Variants in CAPN3 observed in about 807,000 individuals in gnomAD.
The protein encoded by CAPN3 is calpain-3.
In CAPN3, 88 loss-of-function variants were observed where a neutral mutation model predicts 114.0. The ratio of observed to expected loss-of-function variants is 0.77; its 90% confidence interval spans 0.65 to 0.92. The LOEUF is 0.92. Ranked by LOEUF, CAPN3 falls within the 40% of genes least tolerant of loss-of-function variation. CAPN3 has a pLI of 0.00. For missense variants in CAPN3, 1,028 were observed against 1,069.0 expected (o/e 0.96, Z 0.53); for synonymous variants, 386 against 382.9 (o/e 1.01, Z -0.09).
chr15:42,387,423 C>T (rs1487505455), intron 3 of CAPN3, among the ~76,000 whole-genome samples: 1 of 152,198 alleles, frequency 6.6e-6, no homozygotes, highest in Admixed American at 6.5e-5. Context: ...TGCTGACACC[C>T]AGGCCCTGCC....
chr15:42,376,586 T>C (rs77132692), intron 1 of CAPN3, among the ~76,000 whole-genome samples: 2,509 of 151,946 alleles, frequency 0.017, 72 homozygotes, highest in African/African-American at 0.058. Context: ...TCTTACTTTC[T>C]GGCACTACCA....
chr15:42,408,635 C>T, intron 16 of CAPN3: 2 of 388,774 alleles, frequency 5.1e-6, no homozygotes, highest in Non-Finnish European at 9.9e-6. Flanking sequence ...AGCGGAGGCG[C>T]AACTCTTGTC....
chr15:42,386,267 A>T lies in CAPN3; in HGVS notation c.480A>T (p.Ala160=), dbSNP rs779579276. The change falls in exon 3 of 24, where the codon GCA becomes GCT. Residue 160 remains alanine, a synonymous_variant. Coordinates refer to ENST00000397163, the MANE Select transcript of CAPN3 (RefSeq NM_000070.3). ...PHDQSFIENY[A]GIFHFQFWRY... is the part of the protein sequence containing the mutation. ...ATCAAAGTTTCATCGAAAACTACGC[A>T]GGGATCTTCCACTTCCAGGTGAGGT... 5 of 1,612,358 alleles carry T rather than the reference A, an allele frequency of 3.1e-6. No homozygotes were observed. Among genetic ancestry groups the T allele is most frequent in the Non-Finnish European group, 4.2e-6 (5 of 1,178,556 alleles).
intron 1 of CAPN3, among the ~76,000 whole-genome samples, chr15:42,362,268 AT>A (rs1249616677): frequency 6.6e-6 from 1 of 152,240 alleles, no homozygotes; most frequent in Non-Finnish European, 1.5e-5. Context: ...GTTTAAAAAA[AT>A]AAAAGCTCTT....
chr15:42,412,044 G>A lies in CAPN3; in HGVS notation c.*271G>A, dbSNP rs74009087. ...AAAGTGCCTGCCTCTGGTCCGAGCCGCCTCGGTTCTGAAGCGAGTGCTCCT... is the reference window on the plus strand; with the variant it reads ...AAAGTGCCTGCCTCTGGTCCGAGCCACCTCGGTTCTGAAGCGAGTGCTCCT... On this transcript the variant is annotated 3_prime_UTR_variant, in exon 24 of 24. Transcript: ENST00000397163. 8.6e-5 allele frequency: 131 copies of A among 1,520,392 alleles called. No individual in the cohort carries two copies. Among genetic ancestry groups the A allele is most frequent in the Non-Finnish European group, 1.1e-4 (125 of 1,139,224 alleles). The allele number at this position is 1,520,392 out of a possible 1,614,324, so 94.2% of individuals were successfully genotyped here.
chr15:42,386,318 G>C, intron 3 of CAPN3, 33 bp downstream of exon 3: 1 of 1,463,308 alleles, frequency 6.8e-7, no homozygotes, highest in Non-Finnish European at 9.6e-7. Flanking sequence ...AAGAGGGCCA[G>C]CGGCAGGCCA....
At chr15:42,369,421 G>C (rs769399134) in intron 1 of CAPN3, among the ~76,000 whole-genome samples, 10 of 151,992 alleles carry the variant, frequency 6.6e-5, no homozygotes, top group Non-Finnish European at 1.2e-4. Flanking sequence ...AGGATCACTT[G>C]AGCTACGGAG....
At position 42,392,695 on chromosome 15, in the gene CAPN3, CGCCTA is replaced by C; in HGVS notation, c.1003_1007del (p.Ala335LeufsTer7). The stretch of plus-strand genomic sequence containing the variant: ...TGGCCTGCGGGCTGGTCAGAGGTCA[CGCCTA>C]CTCTGTCACGGGGCTGGATGAGGTA... On this transcript the variant is annotated frameshift_variant, in exon 7 of 24. Coordinates refer to ENST00000397163, the MANE Select transcript of CAPN3 (RefSeq NM_000070.3). LOFTEE classifies it high-confidence loss of function. The C allele has an allele frequency of 6.2e-7, 1 of 1,613,906 alleles. No individual in the cohort carries two copies. The highest frequency in any genetic ancestry group is 8.5e-7 in the Non-Finnish European group (1 of 1,179,866).
chr15:42,369,395 G>A (rs1314971973), intron 1 of CAPN3, among the ~76,000 whole-genome samples: 1 of 152,050 alleles, frequency 6.6e-6, no homozygotes, highest in African/African-American at 2.4e-5. Flanking sequence ...CTAGCTACTT[G>A]GGAGGCTGAG....
intron 1 of CAPN3, among the ~76,000 whole-genome samples, chr15:42,371,837 G>T (rs1054533019): frequency 2.6e-5 from 4 of 151,826 alleles, no homozygotes; most frequent in Non-Finnish European, 5.9e-5. Flanking sequence ...AGTGGCGGGA[G>T]CCTGTAATCC....
intron 2 of CAPN3, 120 bp downstream of exon 2, chr15:42,384,672 T>C (rs908932412): frequency 1.3e-6 from 1 of 774,800 alleles, no homozygotes; most frequent in Admixed American, 1.9e-5. Context: ...TTTGGAAGAT[T>C]TTTTATAACA....
chr15:42,398,771 G>A (rs1350822040), intron 9 of CAPN3, among the ~76,000 whole-genome samples: 1 of 141,992 alleles, frequency 7.0e-6, no homozygotes, highest in African/African-American at 2.7e-5. Flanking sequence ...GTGCTATTGA[G>A]CATTAGAGCT....
intron 1 of CAPN3, among the ~76,000 whole-genome samples, chr15:42,381,075 C>A (rs1417110316): frequency 6.6e-6 from 1 of 152,050 alleles, no homozygotes; most frequent in Non-Finnish European, 1.5e-5. Context: ...TTGCTTATGA[C>A]ATTACTGTCA....
intron 12 of CAPN3, 199 bp downstream of exon 12, chr15:42,402,334 G>A: frequency 6.7e-7 from 1 of 1,500,278 alleles, no homozygotes; most frequent in Non-Finnish European, 8.8e-7. Flanking sequence ...CCCAGGATGT[G>A]CACTTTCTCC....
chr15:42,378,625 C>T (rs947054145), intron 1 of CAPN3, among the ~76,000 whole-genome samples: 1 of 151,802 alleles, frequency 6.6e-6, no homozygotes, highest in Non-Finnish European at 1.5e-5. Context: ...CTATTGTTTT[C>T]TTGTTTTTTA....
chr15:42,385,128 A>T (rs947550539), intron 2 of CAPN3, among the ~76,000 whole-genome samples: 1 of 152,230 alleles, frequency 6.6e-6, no homozygotes, highest in African/African-American at 2.4e-5. Flanking sequence ...TTCAGAAAGT[A>T]TTGTCTTTGG....
At chr15:42,386,044 G>T (rs2053394715) in intron 2 of CAPN3, 123 bp from the exon 3 acceptor site, 1 of 776,466 alleles carries the variant, frequency 1.3e-6, no homozygotes, top group Admixed American at 1.7e-5. Context: ...AGATCTGGAA[G>T]TAGGAGAGTG....
chr15:42,372,254 G>C (rs560332192), intron 1 of CAPN3, among the ~76,000 whole-genome samples: 140 of 152,200 alleles, frequency 9.2e-4, no homozygotes, highest in African/African-American at 3.3e-3. Flanking sequence ...TCACCTCCCA[G>C]GTTCAAGCAA....
chr15:42,411,134 G>T (rs2054212029), intron 22 of CAPN3, 134 bp downstream of exon 22: 1 of 1,009,952 alleles, frequency 9.9e-7, no homozygotes, highest in Non-Finnish European at 1.6e-6. Flanking sequence ...CCCAGAATGG[G>T]ATGGCAAAGG....
Sources: gnomAD v4.1 joint callset for allele counts (sites outside exome capture counted in the v4.1 genomes callset) on GRCh38, gnomAD v4.1.1 for gene constraint, MANE v1.5 for transcripts, NCBI Gene and HGNC (gene_info 2026-07-23, HGNC 2026-07-21) for gene names.